ADGRL2: variants seen among roughly 807,000 people sequenced by gnomAD.
The protein encoded by ADGRL2 is calcium-independent alpha-latrotoxin receptor 2.
Under a neutral mutation model 157.4 loss-of-function variants are expected in ADGRL2, and 44 were observed. The observed-to-expected ratio is 0.28, with a 90% CI of 0.22 to 0.36. The LOEUF (loss-of-function observed/expected upper bound fraction) is 0.36, where lower values mean the gene tolerates loss of function less well. Among genes scored for constraint, ADGRL2 ranks in the 10% least tolerant of loss-of-function variants. The pLI, the probability that ADGRL2 is intolerant of heterozygous loss-of-function variation, is 1.00. For missense variants in ADGRL2, 1,510 were observed against 1,768.9 expected, an observed-to-expected ratio of 0.85 and a Z score of 2.63; for synonymous variants, 585 against 624.7, an observed-to-expected ratio of 0.94 and a Z score of 0.95.
intron 1 of ADGRL2, among the ~76,000 whole-genome samples, chr1:81,803,071 G>T (rs149696653): frequency 0.013 from 2,034 of 152,250 alleles, 21 homozygotes; most frequent in Middle Eastern, 0.024. Flanking sequence ...TGCGGGAGAA[G>T]TTACGGAGTG....
At chr1:81,768,700 C>T (rs2086234180) in intron 2 of ADGRL2, among the ~76,000 whole-genome samples, 1 of 152,010 alleles carries the variant, frequency 6.6e-6, no homozygotes, top group Non-Finnish European at 1.5e-5. Context: ...CTCAAACTCC[C>T]TAGCTCAAGC....
At chr1:81,697,945 C>T (rs2083478488), upstream of ADGRL2, among the ~76,000 whole-genome samples, 2 of 152,110 alleles carry the variant, frequency 1.3e-5, no homozygotes. Flanking sequence ...GACCACATTT[C>T]AAATAGTGCA....
chr1:81,974,490 G>A (rs1659617498), intron 17 of ADGRL2, among the ~76,000 whole-genome samples: 1 of 152,250 alleles, frequency 6.6e-6, no homozygotes, highest in East Asian at 1.9e-4. Flanking sequence ...GGGAGAAATA[G>A]GTTTCTGCTT....
intron 2 of ADGRL2, among the ~76,000 whole-genome samples, chr1:81,522,777 A>G (rs1422300628): frequency 6.6e-6 from 1 of 152,214 alleles, no homozygotes; most frequent in African/African-American, 2.4e-5. Context: ...TTAGGATGAT[A>G]AAGCTAATTT....
chr1:81,632,586 G>C (rs1216178151), intron 3 of ADGRL2, among the ~76,000 whole-genome samples: 1 of 152,038 alleles, frequency 6.6e-6, no homozygotes, highest in African/African-American at 2.4e-5. Flanking sequence ...GTGAAACCCC[G>C]TCTCTACTGA....
intron 3 of ADGRL2, among the ~76,000 whole-genome samples, chr1:81,606,941 C>T (rs1174315836): frequency 3.3e-5 from 5 of 152,076 alleles, no homozygotes; most frequent in Non-Finnish European, 7.3e-5. Context: ...AAATGCCTCT[C>T]GATTATTTAA....
intron 3 of ADGRL2, among the ~76,000 whole-genome samples, chr1:81,585,183 A>G (rs1338131744): frequency 6.6e-6 from 1 of 152,112 alleles, no homozygotes; most frequent in Admixed American, 6.6e-5. Context: ...AAACTGTATG[A>G]TCTATCTAGA....
intron 2 of ADGRL2, among the ~76,000 whole-genome samples, chr1:81,791,601 GA>G (rs923756461): frequency 6.7e-6 from 1 of 150,168 alleles, no homozygotes; most frequent in Non-Finnish European, 1.5e-5. Flanking sequence ...TGGCACACAG[GA>G]AAAAAAACGG....
intron 1 of ADGRL2, among the ~76,000 whole-genome samples, chr1:81,806,081 A>G (rs1341259): frequency 0.27 from 41,250 of 151,932 alleles, 6,240 homozygotes; most frequent in East Asian, 0.69. Flanking sequence ...GAATTTAGAA[A>G]TGGAGATAGC....
Position 81,981,507 on chromosome 1 carries a change from A to G in ADGRL2, c.3114-301A>G, listed in dbSNP as rs12130650. ...GCACTCCTTAATTTCTTTTATCAAAATGCACATAAAAGACAAAGTCATAGG... is the reference window on the plus strand; with the variant it reads ...GCACTCCTTAATTTCTTTTATCAAAGTGCACATAAAAGACAAAGTCATAGG... On this transcript the variant is annotated intron_variant, in intron 18 of 23. Transcript: ENST00000686636. Among the ~76,000 whole-genome samples, 18,977 of 151,948 alleles carry G rather than the reference A, an allele frequency of 0.12. 1,591 individuals carry two copies. Among genetic ancestry groups the G allele is most frequent in the Middle Eastern group, 0.29 (84 of 294 alleles).
chr1:81,399,929 A>G (rs1413095723), intron 1 of ADGRL2, among the ~76,000 whole-genome samples: 1 of 152,082 alleles, frequency 6.6e-6, no homozygotes, highest in Non-Finnish European at 1.5e-5. Context: ...CACACTTTCT[A>G]CAGCAGCTTT....
At chr1:81,363,398 C>T (rs1028162688) in intron 1 of ADGRL2, among the ~76,000 whole-genome samples, 1 of 151,870 alleles carries the variant, frequency 6.6e-6, no homozygotes, top group African/African-American at 2.4e-5. Flanking sequence ...CTATACATAA[C>T]GAATTTTCCA....
intron 2 of ADGRL2, among the ~76,000 whole-genome samples, chr1:81,561,151 C>T (rs2080431074): frequency 6.6e-6 from 1 of 152,042 alleles, no homozygotes; most frequent in Admixed American, 6.5e-5. Flanking sequence ...CGCTGCTCTA[C>T]TCTTTCTTTT....
intron 1 of ADGRL2, among the ~76,000 whole-genome samples, chr1:81,417,900 A>G (rs867237598): frequency 6.6e-6 from 1 of 152,206 alleles, no homozygotes; most frequent in Non-Finnish European, 1.5e-5. Flanking sequence ...ACCTCCAGTC[A>G]AATGTGGCAC....
intron 2 of ADGRL2, among the ~76,000 whole-genome samples, chr1:81,512,705 C>G (rs1198835163): frequency 6.6e-6 from 1 of 152,114 alleles, no homozygotes; most frequent in Non-Finnish European, 1.5e-5. Context: ...AAAAAATACC[C>G]TTTTCTGTGA....
chr1:81,803,197 A>G (rs2088561711), intron 1 of ADGRL2, among the ~76,000 whole-genome samples: 1 of 151,888 alleles, frequency 6.6e-6, no homozygotes, highest in African/African-American at 2.4e-5. Context: ...AGGGAAGGGG[A>G]GACCCCCGCG....
intron 3 of ADGRL2, among the ~76,000 whole-genome samples, chr1:81,655,505 T>G (rs1312323118): frequency 2.6e-5 from 4 of 152,126 alleles, no homozygotes; most frequent in African/African-American, 9.7e-5. Flanking sequence ...TCTCTCCTAC[T>G]TTCTACACGC....
intron 2 of ADGRL2, among the ~76,000 whole-genome samples, chr1:81,465,707 C>T (rs997637730): frequency 2.0e-5 from 3 of 152,142 alleles, no homozygotes; most frequent in African/African-American, 7.2e-5. Context: ...AATGTTGTCT[C>T]ACTGTTGAGC....
chr1:81,681,285 T>C (rs2083108226), intron 3 of ADGRL2, among the ~76,000 whole-genome samples: 1 of 152,228 alleles, frequency 6.6e-6, no homozygotes, highest in South Asian at 2.1e-4. Flanking sequence ...TCATTCTTCT[T>C]GCCAGTAAGC....
Sources: gnomAD v4.1 joint callset for allele counts (sites outside exome capture counted in the v4.1 genomes callset) on GRCh38, gnomAD v4.1.1 for gene constraint, MANE v1.5 for transcripts, NCBI Gene and HGNC (gene_info 2026-07-23, HGNC 2026-07-21) for gene names.